The following TMCC1 variants were observed in gnomAD, a reference collection of about 807,000 sequenced individuals.
TMCC1 encodes the protein transmembrane and coiled-coil domain family 1.
In TMCC1, 15 loss-of-function variants were observed where a neutral mutation model predicts 52.4. The observed-to-expected ratio is 0.29, with a 90% CI of 0.19 to 0.44. TMCC1 has a LOEUF of 0.44. TMCC1 is among the 20% of genes least tolerant of loss of function. The pLI is 1.00. For missense variants in TMCC1, 503 were observed against 806.0 expected (o/e 0.62, Z 4.55); for synonymous variants, 279 against 301.9 (o/e 0.92, Z 0.79).
intron 4 of TMCC1, among the ~76,000 whole-genome samples, chr3:129,678,551 G>A (rs1313107700): frequency 7.3e-5 from 11 of 151,104 alleles, no homozygotes; most frequent in African/African-American, 2.2e-4. Context: ...TAGTAGAGAC[G>A]GAGTTTCACC....
intron 4 of TMCC1, among the ~76,000 whole-genome samples, chr3:129,699,300 C>A (rs779913964): frequency 6.6e-6 from 1 of 152,070 alleles, no homozygotes. Context: ...AAGACGCCAG[C>A]GAAAAGTTCA....
chr3:129,706,798 T>A (rs181290869), intron 4 of TMCC1, among the ~76,000 whole-genome samples: 1 of 152,298 alleles, frequency 6.6e-6, no homozygotes, highest in African/African-American at 2.4e-5. Flanking sequence ...TTATTTCATT[T>A]ATTTCATTAT....
chr3:129,702,381 T>C (rs1245116196), intron 4 of TMCC1, among the ~76,000 whole-genome samples: 1 of 152,108 alleles, frequency 6.6e-6, no homozygotes. Context: ...AGTGAGGCCA[T>C]ACCTTCAATC....
At chr3:129,880,847 G>T (rs2061424275) in intron 1 of TMCC1, among the ~76,000 whole-genome samples, 1 of 151,650 alleles carries the variant, frequency 6.6e-6, no homozygotes, top group African/African-American at 2.4e-5. Flanking sequence ...TCAGTTCTCA[G>T]GCTGCAAATT....
chr3:129,678,624 T>A (rs2088686349), intron 4 of TMCC1, among the ~76,000 whole-genome samples: 1 of 152,062 alleles, frequency 6.6e-6, no homozygotes, highest in Non-Finnish European at 1.5e-5. Context: ...CCTCCCAAAG[T>A]GCTGGGATTA....
At chr3:129,879,982 G>A (rs1560608008) in intron 2 of TMCC1, among the ~76,000 whole-genome samples, 3 of 151,990 alleles carry the variant, frequency 2.0e-5, no homozygotes, top group Non-Finnish European at 4.4e-5. Flanking sequence ...AGACCAGCCT[G>A]GGCAATACAG....
intron 2 of TMCC1, among the ~76,000 whole-genome samples, chr3:129,878,249 C>A (rs2061315797): frequency 6.6e-6 from 1 of 152,174 alleles, no homozygotes; most frequent in South Asian, 2.1e-4. Context: ...CAGGCGTGAG[C>A]CACTGCGCCT....
chr3:129,669,434 A>G (rs1251139940), intron 5 of TMCC1, among the ~76,000 whole-genome samples: 1 of 151,962 alleles, frequency 6.6e-6, no homozygotes, highest in Non-Finnish European at 1.5e-5. Flanking sequence ...CCTTAGAAAA[A>G]AATTTTTTTT....
At chr3:129,675,297 T>C (rs1315217150) in intron 4 of TMCC1, among the ~76,000 whole-genome samples, 3 of 152,248 alleles carry the variant, frequency 2.0e-5, no homozygotes, top group Non-Finnish European at 2.9e-5. Context: ...TCTGGCTCCA[T>C]ATAGTACAGT....
intron 4 of TMCC1, among the ~76,000 whole-genome samples, chr3:129,733,590 C>T (rs886381301): frequency 4.6e-5 from 7 of 151,970 alleles, no homozygotes; most frequent in African/African-American, 1.5e-4. Flanking sequence ...AAGGGAACAA[C>T]GAGGAAAAAT....
At chr3:129,831,060 G>C (rs1278810760) in intron 3 of TMCC1, among the ~76,000 whole-genome samples, 2 of 151,992 alleles carry the variant, frequency 1.3e-5, no homozygotes, top group Non-Finnish European at 2.9e-5. Flanking sequence ...TCAGCCTCCA[G>C]AGTAGCTAGG....
At chr3:129,780,749 T>C (rs2055454968) in intron 4 of TMCC1, among the ~76,000 whole-genome samples, 1 of 152,092 alleles carries the variant, frequency 6.6e-6, no homozygotes, top group African/African-American at 2.4e-5. Flanking sequence ...TAATCCTTCC[T>C]TCTAAATAAC....
chr3:129,744,088 G>A (rs1448326620), intron 4 of TMCC1, among the ~76,000 whole-genome samples: 1 of 152,134 alleles, frequency 6.6e-6, no homozygotes, highest in Non-Finnish European at 1.5e-5. Context: ...CTGATATTGT[G>A]TTCCATGTAC....
At chr3:129,677,256 C>T (rs1263369487) in intron 4 of TMCC1, among the ~76,000 whole-genome samples, 1 of 151,722 alleles carries the variant, frequency 6.6e-6, no homozygotes, top group African/African-American at 2.4e-5. Context: ...CAGGGTCCCC[C>T]AAAAAAGAAT....
At chr3:129,773,664 G>C (rs1192182600) in intron 4 of TMCC1, among the ~76,000 whole-genome samples, 3 of 152,166 alleles carry the variant, frequency 2.0e-5, no homozygotes, top group African/African-American at 7.2e-5. Context: ...ATTTTTACCG[G>C]CTGGGCGAGG....
Position 129,741,701 on chromosome 3 carries a change from C to A in TMCC1, c.577-70437G>T, listed in dbSNP as rs2051471674. ...TTTATCTTATAAATTTAGAGCAGCT[C>A]TCATATACTTAAACTTGTCTCCATT... On this transcript the variant is annotated intron_variant, in intron 4 of 6. Coordinates refer to ENST00000393238, the MANE Select transcript of TMCC1 (RefSeq NM_001017395.5). Among the ~76,000 whole-genome samples, 6 of 152,238 alleles carry A rather than the reference C, an allele frequency of 3.9e-5. No individual in the cohort carries two copies. In the South Asian group the frequency reaches 1.0e-3, roughly 26 times the overall value.
At chr3:129,727,426 A>G (rs1479208369) in intron 4 of TMCC1, among the ~76,000 whole-genome samples, 1 of 152,194 alleles carries the variant, frequency 6.6e-6, no homozygotes, top group Non-Finnish European at 1.5e-5. Flanking sequence ...TTAGGTACAC[A>G]AAGAATGAAG....
chr3:129,669,339 T>C (rs886164416), intron 5 of TMCC1, among the ~76,000 whole-genome samples: 1 of 152,192 alleles, frequency 6.6e-6, no homozygotes, highest in Non-Finnish European at 1.5e-5. Flanking sequence ...CTTCAAGGCC[T>C]AACTTGACCT....
chr3:129,689,129 AAAAG>A (rs544197402), intron 4 of TMCC1, among the ~76,000 whole-genome samples: 129 of 152,344 alleles, frequency 8.5e-4, no homozygotes, highest in African/African-American at 2.9e-3. Flanking sequence ...AACAACTAGA[AAAAG>A]AAAACTGAGC....
Sources: allele counts gnomAD v4.1 joint callset (sites outside exome capture counted in the v4.1 genomes callset), GRCh38; gene constraint gnomAD v4.1.1; transcripts MANE v1.5; gene names NCBI Gene and HGNC (gene_info 2026-07-23, HGNC 2026-07-21).